The following PALS1 variants were observed in gnomAD, a reference collection of about 807,000 sequenced individuals.
PALS1 encodes the protein protein associated with LIN7 1, MAGUK p55 family member.
A neutral mutation model predicts 78.9 loss-of-function variants in PALS1; 31 were observed. The ratio of observed to expected loss-of-function variants is 0.39; its 90% CI spans 0.30 to 0.53. The LOEUF is 0.53. PALS1 is among the 20% of genes least tolerant of loss of function. PALS1 has a pLI of 0.67. For missense variants in PALS1, 704 were observed against 826.5 expected, an observed-to-expected ratio of 0.85 and a Z score of 1.82; for synonymous variants, 276 against 270.9, an observed-to-expected ratio of 1.02 and a Z score of -0.18.
At chr14:67,260,334 C>T (rs1446171812) in intron 1 of PALS1, among the ~76,000 whole-genome samples, 1 of 152,158 alleles carries the variant, frequency 6.6e-6, no homozygotes, top group Non-Finnish European at 1.5e-5. Context: ...GGTAAGAAGG[C>T]ACAACCCTCC....
At position 67,323,232 on chromosome 14, in the gene PALS1, C is replaced by CATGTGTGTGTGT. The variant is rs57594216; in HGVS notation, c.1741-470_1741-469insATGTGTGTGTGT. Among the ~76,000 whole-genome samples, 569 of 143,572 alleles carry CATGTGTGTGTGT rather than the reference C, an allele frequency of 4.0e-3. 5 individuals are homozygous for CATGTGTGTGTGT. Among genetic ancestry groups the CATGTGTGTGTGT allele is most frequent in the African/African-American group, 0.014 (522 of 38,404 alleles). The allele number at this position is 143,572 out of a possible 152,430, so 94.2% of individuals were successfully genotyped here. A position where few individuals can be genotyped will look rare whatever the true frequency, so the allele number is the denominator to read the frequency against. On this transcript the variant is annotated intron_variant, in intron 13 of 14. Transcript: ENST00000261681. Reference sequence around the variant, plus strand: ...ATATACATATATACACATATATACACGTGTGTGTGTGTGTGTGTGTGTGTG... The same window carrying CATGTGTGTGTGT: ...ATATACATATATACACATATATACACATGTGTGTGTGTGTGTGTGTGTGTGTGTGTGTGTGTG...
chr14:67,280,585 T>G (rs2084588224), intron 3 of PALS1, among the ~76,000 whole-genome samples: 1 of 152,140 alleles, frequency 6.6e-6, no homozygotes, highest in Non-Finnish European at 1.5e-5. Context: ...ACACCAATGG[T>G]AGAGCCAAGT....
Position 67,302,018 on chromosome 14 carries a change from TA to T in PALS1, c.702del (p.Glu235SerfsTer20). The T allele has an allele frequency of 2.5e-6, 4 of 1,610,518 alleles. No individual in the cohort carries two copies. Among genetic ancestry groups the T allele is most frequent in the Non-Finnish European group, 3.4e-6 (4 of 1,178,334 alleles). On this transcript the variant is annotated frameshift_variant, in exon 6 of 15. Transcript: ENST00000261681. LOFTEE classifies it high-confidence loss of function. ...AAGGTTGCTGAGCAGGAAATGCAGCTAGAGCCCATTACAGATGAGAGAGTTT... is the reference window on the plus strand; with the variant it reads ...AAGGTTGCTGAGCAGGAAATGCAGCTGAGCCCATTACAGATGAGAGAGTTT... ...HDKVAEQEMQ[L>X]EPITDERVYE...
chr14:67,256,368 A>G lies in PALS1; in HGVS notation c.-236-13333A>G, dbSNP rs370497436. Among the ~76,000 whole-genome samples the G allele has an allele frequency of 1.1e-4, 16 of 152,296 alleles. 1 individual carries two copies. The South Asian group carries it at 1.2e-3, about 12-fold the overall frequency. ...AGCTTCATGCTCTAGTAGTCACAAT[A>G]AAAAGTAGAAAGATCAGACTAGTCT... On this transcript the variant is annotated intron_variant, in intron 1 of 14. Transcript: ENST00000261681.
chr14:67,299,436 A>G (rs1482665679), intron 4 of PALS1, among the ~76,000 whole-genome samples: 1 of 152,218 alleles, frequency 6.6e-6, no homozygotes, highest in Non-Finnish European at 1.5e-5. Context: ...GATTTTTCAC[A>G]TTTAACATAC....
chr14:67,303,439 A>G lies in PALS1; in HGVS notation c.964-83A>G. On this transcript the variant is annotated intron_variant, in intron 7 of 14. Coordinates refer to ENST00000261681, the MANE Select transcript of PALS1 (RefSeq NM_022474.4). ...CTGTGGAGGGGTTCTGAAATAGTCC[A>G]GTTTAGGGAATATAGATCATAAAAT... 6.4e-6 allele frequency: 7 copies of G among 1,091,992 alleles called. No homozygotes were observed. The South Asian group carries it at 8.8e-5, about 14-fold the overall frequency. 67.6% of individuals were successfully genotyped at this position (1,091,992 alleles called of 1,614,324 possible). A position where few individuals can be genotyped will look rare whatever the true frequency, so the allele number is the denominator to read the frequency against.
At chr14:67,262,634 AC>A in intron 1 of PALS1, among the ~76,000 whole-genome samples, 1 of 152,288 alleles carries the variant, frequency 6.6e-6, no homozygotes, top group Admixed American at 6.5e-5. Flanking sequence ...AACTCTGGTT[AC>A]AGTATAGAGT....
At chr14:67,248,711 A>G (rs2084021329) in intron 1 of PALS1, among the ~76,000 whole-genome samples, 1 of 152,220 alleles carries the variant, frequency 6.6e-6, no homozygotes, top group Non-Finnish European at 1.5e-5. Flanking sequence ...TTCTGTTGTT[A>G]GAGTGGCAGA....
intron 1 of PALS1, among the ~76,000 whole-genome samples, chr14:67,260,462 A>G (rs1039119287): frequency 6.6e-6 from 1 of 152,240 alleles, no homozygotes; most frequent in African/African-American, 2.4e-5. Flanking sequence ...TGAGTTAACA[A>G]ACTTTGCCTC....
rs2085108716 is a variant in PALS1 at position 67,312,618 on chromosome 14, T to C, written c.1133T>C (p.Ile378Thr). ...GGTCTGTCTTTTCAAAAAGGTGATA[T>C]ACTTCATGTGATCAGTCAAGAAGAT... ...ELGLSFQKGDILHVISQEDPN... is the reference protein window; with the variant it reads ...ELGLSFQKGDTLHVISQEDPN... Residue 378 changes from isoleucine to threonine, a missense_variant, in exon 9 of 15, where the codon ATA (isoleucine) becomes ACA (threonine). By Grantham distance (89) the Ile-to-Thr change is moderately conservative. Coordinates refer to ENST00000261681, the MANE Select transcript of PALS1 (RefSeq NM_022474.4). 1 of 1,613,854 alleles carries C rather than the reference T, an allele frequency of 6.2e-7. No homozygotes were observed. Among genetic ancestry groups the C allele is most frequent in the Non-Finnish European group, 8.5e-7 (1 of 1,179,842 alleles).
At chr14:67,275,163 AG>A (rs1358109621) in intron 2 of PALS1, among the ~76,000 whole-genome samples, 1 of 152,312 alleles carries the variant, frequency 6.6e-6, no homozygotes, top group East Asian at 1.9e-4. Flanking sequence ...TGTGTTGAAT[AG>A]GAGTGGTGAG....
chr14:67,268,865 C>T (rs926526593), intron 1 of PALS1, among the ~76,000 whole-genome samples: 1 of 152,174 alleles, frequency 6.6e-6, no homozygotes, highest in Non-Finnish European at 1.5e-5. Flanking sequence ...TTTACCCAGC[C>T]CCTATTCAAG....
intron 1 of PALS1, among the ~76,000 whole-genome samples, chr14:67,266,853 TAA>T (rs2084334066): frequency 2.0e-5 from 3 of 152,090 alleles, no homozygotes; most frequent in Non-Finnish European, 4.4e-5. Flanking sequence ...CTCATGCCTG[TAA>T]TCCCAGCATG....
rs371767687 is a variant in PALS1, at chr14:67,247,102, T to C, written c.-237+5569T>C. 2.2e-4 allele frequency among the ~76,000 whole-genome samples: 33 copies of C among 152,352 alleles called. No individual in the cohort carries two copies. The South Asian group carries it at 6.8e-3, about 32-fold the overall frequency. ...TTTATACATTCTGTTGGGATTTTGA[T>C]TGAGATTGTGTCTAATTTAGAGATC... On this transcript the variant is annotated intron_variant, in intron 1 of 14. Coordinates refer to ENST00000261681, the MANE Select transcript of PALS1 (RefSeq NM_022474.4).
chr14:67,245,307 C>T (rs1442581406), intron 1 of PALS1, among the ~76,000 whole-genome samples: 1 of 152,132 alleles, frequency 6.6e-6, no homozygotes, highest in African/African-American at 2.4e-5. Flanking sequence ...ACATTCCTGT[C>T]AGCACTTGGT....
chr14:67,296,165 T>C (rs764318770), intron 4 of PALS1, among the ~76,000 whole-genome samples: 2 of 151,922 alleles, frequency 1.3e-5, no homozygotes, highest in African/African-American at 2.4e-5. Flanking sequence ...TGCTGAGTCT[T>C]GAGGGGTGAC....
At chr14:67,249,066 T>C (rs2084026775) in intron 1 of PALS1, among the ~76,000 whole-genome samples, 1 of 152,092 alleles carries the variant, frequency 6.6e-6, no homozygotes, top group African/African-American at 2.4e-5. Context: ...GGGTTCAAGT[T>C]ATTTTCCCTC....
intron 1 of PALS1, among the ~76,000 whole-genome samples, chr14:67,258,306 A>G (rs543624032): frequency 6.6e-6 from 1 of 152,076 alleles, no homozygotes. Context: ...ATCCCAAGGC[A>G]GGTGGATCGC....
chr14:67,275,647 G>A (rs1043935331), intron 2 of PALS1, among the ~76,000 whole-genome samples: 1 of 152,142 alleles, frequency 6.6e-6, no homozygotes, highest in Non-Finnish European at 1.5e-5. Context: ...AAATGAGTTA[G>A]GGAGGATTGC....
Sources: gnomAD v4.1 joint callset for allele counts (sites outside exome capture counted in the v4.1 genomes callset) on GRCh38, gnomAD v4.1.1 for gene constraint, MANE v1.5 for transcripts, NCBI Gene and HGNC (gene_info 2026-07-23, HGNC 2026-07-21) for gene names.